Variants in NCKAP5 observed in about 807,000 individuals in gnomAD.
NCKAP5 encodes nck-associated protein 5.
In NCKAP5, 92 loss-of-function variants were observed where a neutral mutation model predicts 167.0. The observed-to-expected ratio is 0.55, with a 90% confidence interval of 0.47 to 0.66. The LOEUF is 0.66. NCKAP5 is among the 30% of genes least tolerant of loss of function. NCKAP5 has a pLI of 0.00. For synonymous variants in NCKAP5, 891 were observed against 877.4 expected (o/e 1.02, Z -0.27); for missense variants, 2,378 against 2,315.0 (o/e 1.03, Z -0.56).
At chr2:132,871,598 C>T (rs1690819473) in intron 9 of NCKAP5, among the ~76,000 whole-genome samples, 1 of 152,152 alleles carries the variant, frequency 6.6e-6, no homozygotes, top group South Asian at 2.1e-4. Context: ...TAACAGCCCA[C>T]AGGAGGAAAT....
At chr2:133,473,663 C>T (rs13408209) in intron 3 of NCKAP5, among the ~76,000 whole-genome samples, 9 of 152,108 alleles carry the variant, frequency 5.9e-5, no homozygotes, top group Non-Finnish European at 8.8e-5. Context: ...ACTTTGTAAA[C>T]GTTGTCTAGT....
chr2:132,969,451 G>A (rs2076767663), intron 7 of NCKAP5, among the ~76,000 whole-genome samples: 1 of 152,078 alleles, frequency 6.6e-6, no homozygotes, highest in African/African-American at 2.4e-5. Flanking sequence ...TCATTTGGGA[G>A]ATGCAGGAAA....
Position 133,333,110 on chromosome 2 carries a change from T to C in NCKAP5, c.70-30000A>G, listed in dbSNP as rs74750906. On this transcript the variant is annotated intron_variant, in intron 3 of 19. Transcript: ENST00000409261. Reference sequence around the variant, plus strand: ...TTTCCTTTAATGTTTACTGGCAGGATGAATACAAAGCCTCCACAAATTAAG... The same window carrying C: ...TTTCCTTTAATGTTTACTGGCAGGACGAATACAAAGCCTCCACAAATTAAG... Among the ~76,000 whole-genome samples, 78 of 152,352 alleles carry C rather than the reference T, an allele frequency of 5.1e-4. No homozygotes were observed. In the East Asian group the frequency reaches 0.015, roughly 29 times the overall value.
At chr2:133,286,256 A>G (rs1353691553) in intron 4 of NCKAP5, among the ~76,000 whole-genome samples, 1 of 152,082 alleles carries the variant, frequency 6.6e-6, no homozygotes, top group Non-Finnish European at 1.5e-5. Flanking sequence ...TCGGCCTCCC[A>G]AAGTGCTGGG....
At chr2:132,878,987 C>T (rs984178360) in intron 8 of NCKAP5, 71 bp from the exon 9 acceptor site, 80 of 1,210,018 alleles carry the variant, frequency 6.6e-5, no homozygotes, top group Non-Finnish European at 9.2e-5. Flanking sequence ...TTATTCCATA[C>T]AGTTACTAAA....
At chr2:133,630,002 G>A in the NCKAP5 span, among the ~76,000 whole-genome samples, 2 of 151,938 alleles carry the variant, frequency 1.3e-5, no homozygotes. Context: ...GGTGAGGAGG[G>A]ACAGCATTAG....
the NCKAP5 span, among the ~76,000 whole-genome samples, chr2:133,585,291 T>C: frequency 6.6e-6 from 1 of 152,208 alleles, no homozygotes; most frequent in Non-Finnish European, 1.5e-5. Context: ...TTTCATTACA[T>C]CAAACCTGGA....
At chr2:133,095,088 G>A (rs191035585) in intron 6 of NCKAP5, among the ~76,000 whole-genome samples, 2 of 152,252 alleles carry the variant, frequency 1.3e-5, no homozygotes. Context: ...GAGAACCCAG[G>A]TGAGCCCACT....
chr2:133,169,602 A>T (rs2084150417), intron 5 of NCKAP5, among the ~76,000 whole-genome samples: 1 of 152,194 alleles, frequency 6.6e-6, no homozygotes, highest in Non-Finnish European at 1.5e-5. Context: ...ACTTCTGAGG[A>T]GAGTTTATCA....
the NCKAP5 span, among the ~76,000 whole-genome samples, chr2:133,634,693 C>T: frequency 1.3e-5 from 2 of 151,930 alleles, no homozygotes; most frequent in African/African-American, 2.4e-5. Context: ...ACAGTGGAGC[C>T]GACATAGGAT....
chr2:133,227,267 C>A (rs994422500), intron 4 of NCKAP5, among the ~76,000 whole-genome samples: 3 of 152,188 alleles, frequency 2.0e-5, no homozygotes, highest in African/African-American at 7.2e-5. Flanking sequence ...AGCTAAACAT[C>A]CACAGGCACA....
At chr2:132,832,048 G>T (rs1687559853) in intron 11 of NCKAP5, among the ~76,000 whole-genome samples, 1 of 151,992 alleles carries the variant, frequency 6.6e-6, no homozygotes, top group Non-Finnish European at 1.5e-5. Flanking sequence ...ATATCATACT[G>T]TGTTGGTTGT....
intron 4 of NCKAP5, among the ~76,000 whole-genome samples, chr2:133,251,187 ATAACT>A (rs1574499096): frequency 6.6e-6 from 1 of 152,184 alleles, no homozygotes; most frequent in African/African-American, 2.4e-5. Context: ...TAATCCAGAG[ATAACT>A]TAAAGTGTAC....
chr2:133,131,231 C>T (rs79742128), intron 5 of NCKAP5, among the ~76,000 whole-genome samples: 3 of 152,100 alleles, frequency 2.0e-5, no homozygotes, highest in Admixed American at 6.6e-5. Context: ...AAAATACTTA[C>T]ACATCCTCCT....
At chr2:133,077,393 T>C (rs2080642103) in intron 6 of NCKAP5, among the ~76,000 whole-genome samples, 1 of 152,176 alleles carries the variant, frequency 6.6e-6, no homozygotes, top group Non-Finnish European at 1.5e-5. Flanking sequence ...CCTTACTTCT[T>C]CATGAGAGGT....
In NCKAP5 at chr2:133,062,928, T is replaced by C. The variant is rs990118185; in HGVS notation, c.341+67050A>G. Among the ~76,000 whole-genome samples the C allele has an allele frequency of 4.6e-5, 7 of 152,246 alleles. No homozygotes were observed. The East Asian group carries it at 1.3e-3, about 29-fold the overall frequency. On this transcript the variant is annotated intron_variant, in intron 6 of 19. Transcript: ENST00000409261. Reference sequence around the variant, plus strand: ...CGAGATTAAATTATCAGTGTTTTTCTGCCTAAATTACAGCATAAGGATGTG... The same window carrying C: ...CGAGATTAAATTATCAGTGTTTTTCCGCCTAAATTACAGCATAAGGATGTG...
chr2:133,588,924 C>G, the NCKAP5 span, among the ~76,000 whole-genome samples: 1 of 152,082 alleles, frequency 6.6e-6, no homozygotes, highest in South Asian at 2.1e-4. Context: ...ACCAAGAAGC[C>G]AGTGTGCCTT....
intron 13 of NCKAP5, among the ~76,000 whole-genome samples, chr2:132,787,144 T>C (rs1173035534): frequency 1.3e-5 from 2 of 152,120 alleles, no homozygotes; most frequent in African/African-American, 4.8e-5. Context: ...GGTCAGGAGT[T>C]CGAGACTAGT....
chr2:132,948,431 G>A (rs1472584396), intron 8 of NCKAP5, among the ~76,000 whole-genome samples: 1 of 152,176 alleles, frequency 6.6e-6, no homozygotes, highest in Non-Finnish European at 1.5e-5. Context: ...ATTGCTTTAA[G>A]GACTCCCTGA....
Sources: allele counts gnomAD v4.1 joint callset (sites outside exome capture counted in the v4.1 genomes callset), GRCh38; gene constraint gnomAD v4.1.1; transcripts MANE v1.5; gene names NCBI Gene and HGNC (gene_info 2026-07-23, HGNC 2026-07-21).